The following LUZP2 variants were observed in gnomAD, a reference collection of about 807,000 sequenced individuals.
LUZP2 encodes leucine zipper protein 2.
LUZP2 carries 52 observed loss-of-function variants against 51.6 expected under a neutral mutation model. The ratio of observed to expected loss-of-function variants is 1.01; its 90% CI spans 0.81 to 1.27. The LOEUF (loss-of-function observed/expected upper bound fraction) is 1.27, where lower values mean the gene tolerates loss of function less well. LUZP2 is among the 50% of genes most tolerant of loss of function. The probability of loss-of-function intolerance (pLI) is 0.00; values close to 1 mark genes in which losing one functional copy is unlikely to be tolerated. For synonymous variants in LUZP2, 154 were observed against 137.3 expected (o/e 1.12, Z -0.85); for missense variants, 436 against 395.4 (o/e 1.10, Z -0.87).
At chr11:24,667,430 C>T (rs866983400) in intron 1 of LUZP2, among the ~76,000 whole-genome samples, 4 of 152,014 alleles carry the variant, frequency 2.6e-5, no homozygotes, top group South Asian at 4.1e-4. Flanking sequence ...CGTGATCTGC[C>T]GTCCTCAGCC....
At chr11:24,763,020 A>AT in intron 4 of LUZP2, 2 of 770,902 alleles carry the variant, frequency 2.6e-6, no homozygotes, top group Non-Finnish European at 3.2e-6. Flanking sequence ...ATTTAAAAAA[A>AT]AAATAATAAA....
At chr11:25,043,777 A>G (rs1297257863) in intron 9 of LUZP2, among the ~76,000 whole-genome samples, 1 of 148,032 alleles carries the variant, frequency 6.8e-6, no homozygotes, top group African/African-American at 2.5e-5. Flanking sequence ...TATAATATAT[A>G]TAGTGTGTGT....
At chr11:24,544,052 G>A (rs1485444223) in intron 1 of LUZP2, among the ~76,000 whole-genome samples, 3 of 151,936 alleles carry the variant, frequency 2.0e-5, no homozygotes, top group Non-Finnish European at 4.4e-5. Flanking sequence ...TCAGCTGGTA[G>A]CAGTTGAGAT....
chr11:25,063,019 T>C (rs933402056), intron 10 of LUZP2, among the ~76,000 whole-genome samples: 41 of 151,622 alleles, frequency 2.7e-4, no homozygotes, highest in Non-Finnish European at 5.9e-5. Context: ...ATTTTGTATT[T>C]TTTTTCAGAG....
At chr11:24,703,331 G>C (rs1401768435) in intron 1 of LUZP2, among the ~76,000 whole-genome samples, 1 of 152,126 alleles carries the variant, frequency 6.6e-6, no homozygotes, top group African/African-American at 2.4e-5. Context: ...GGTGGTCTGG[G>C]TAGACTCTTA....
At chr11:25,050,607 A>T (rs1356923191) in intron 10 of LUZP2, among the ~76,000 whole-genome samples, 2 of 152,036 alleles carry the variant, frequency 1.3e-5, no homozygotes, top group African/African-American at 4.8e-5. Flanking sequence ...CCTGGCCGTA[A>T]ATGTTCTTTT....
intron 5 of LUZP2, among the ~76,000 whole-genome samples, chr11:24,870,799 A>G (rs10834518): frequency 0.15 from 22,559 of 152,024 alleles, 1,754 homozygotes; most frequent in African/African-American, 0.17. Context: ...ATTCTATTAT[A>G]ATCTTCATCC....
intron 8 of LUZP2, among the ~76,000 whole-genome samples, chr11:24,980,082 A>T (rs922938054): frequency 4.6e-5 from 7 of 151,850 alleles, no homozygotes; most frequent in African/African-American, 1.7e-4. Flanking sequence ...ATTTCATGGC[A>T]GAAATAAAGT....
At chr11:24,816,281 CT>C (rs1002664881) in intron 5 of LUZP2, among the ~76,000 whole-genome samples, 2 of 150,602 alleles carry the variant, frequency 1.3e-5, no homozygotes, top group Admixed American at 6.6e-5. Flanking sequence ...TTTCTAAAAT[CT>C]TTTTTTTTCA....
chr11:25,048,399 A>C (rs888306101), intron 9 of LUZP2, among the ~76,000 whole-genome samples: 3 of 152,150 alleles, frequency 2.0e-5, no homozygotes, highest in Admixed American at 2.0e-4. Flanking sequence ...TAAAATATAC[A>C]CAAGTCTGTT....
At chr11:24,528,453 C>T (rs1334754036) in intron 1 of LUZP2, among the ~76,000 whole-genome samples, 1 of 151,148 alleles carries the variant, frequency 6.6e-6, no homozygotes, top group Non-Finnish European at 1.5e-5. Flanking sequence ...ATGCTGATGG[C>T]ACATACTTTT....
At chr11:25,022,108 G>A (rs914750170) in intron 9 of LUZP2, among the ~76,000 whole-genome samples, 1 of 152,012 alleles carries the variant, frequency 6.6e-6, no homozygotes, top group African/African-American at 2.4e-5. Flanking sequence ...GAGAACCAAT[G>A]CTCATCTATT....
chr11:24,510,927 C>T (rs905532390), intron 1 of LUZP2, among the ~76,000 whole-genome samples: 5 of 152,096 alleles, frequency 3.3e-5, no homozygotes, highest in East Asian at 1.9e-4. Context: ...TCTTTGCCCT[C>T]GTGATCCAAG....
chr11:24,906,372 T>C (rs909829815), intron 6 of LUZP2, among the ~76,000 whole-genome samples: 2 of 152,028 alleles, frequency 1.3e-5, no homozygotes, highest in Non-Finnish European at 2.9e-5. Context: ...ATTTCCTTTT[T>C]TTTTTCCCCT....
chr11:24,926,026 G>A (rs547403555), intron 7 of LUZP2, among the ~76,000 whole-genome samples: 12 of 151,956 alleles, frequency 7.9e-5, no homozygotes, highest in African/African-American at 2.7e-4. Context: ...CACTTAGAAT[G>A]ATGGTCTCCA....
At chr11:25,002,320 G>A (rs1430411576) in intron 9 of LUZP2, among the ~76,000 whole-genome samples, 7 of 152,126 alleles carry the variant, frequency 4.6e-5, no homozygotes, top group South Asian at 2.1e-4. Context: ...TAGCTAAGGG[G>A]ACTTCCAAGA....
chr11:24,636,907 C>T (rs1355043903), intron 1 of LUZP2, among the ~76,000 whole-genome samples: 2 of 148,846 alleles, frequency 1.3e-5, no homozygotes, highest in Non-Finnish European at 2.9e-5. Flanking sequence ...ATGATATAAG[C>T]CAATTTTTGC....
intron 1 of LUZP2, among the ~76,000 whole-genome samples, chr11:24,680,586 C>T (rs757225780): frequency 1.3e-5 from 2 of 152,122 alleles, no homozygotes; most frequent in Non-Finnish European, 2.9e-5. Flanking sequence ...TTTCTGTCTG[C>T]AGAATTGATG....
At chr11:24,510,379 G>A (rs1368398080) in intron 1 of LUZP2, among the ~76,000 whole-genome samples, 1 of 152,182 alleles carries the variant, frequency 6.6e-6, no homozygotes, top group African/African-American at 2.4e-5. Context: ...GTTCTATATT[G>A]TCTTGGGTAC....
Sources: gnomAD v4.1 joint callset for allele counts (sites outside exome capture counted in the v4.1 genomes callset) on GRCh38, gnomAD v4.1.1 for gene constraint, MANE v1.5 for transcripts, NCBI Gene and HGNC (gene_info 2026-07-23, HGNC 2026-07-21) for gene names.